Variants in WDR37 observed in about 807,000 individuals in gnomAD.
The protein encoded by WDR37 is WD repeat domain 37, also known as WD repeat-containing protein 37.
A neutral mutation model predicts 62.9 loss-of-function variants in WDR37; 19 were observed. The observed-to-expected ratio is 0.30, with a 90% CI of 0.21 to 0.44. The LOEUF (loss-of-function observed/expected upper bound fraction) is 0.44, where lower values mean the gene tolerates loss of function less well. Ranked by LOEUF, WDR37 falls within the 20% of genes least tolerant of loss-of-function variation. The probability of loss-of-function intolerance (pLI) is 1.00; values close to 1 mark genes in which losing one functional copy is unlikely to be tolerated. For synonymous variants in WDR37, 250 were observed against 260.9 expected, an observed-to-expected ratio of 0.96 and a Z score of 0.40; for missense variants, 474 against 657.6, an observed-to-expected ratio of 0.72 and a Z score of 3.05.
In WDR37 at chr10:1,080,185, G is replaced by A. The variant is rs1266418888; in HGVS notation, c.331+79G>A. The A allele has an allele frequency of 1.2e-5, 19 of 1,539,052 alleles. No homozygotes were observed. In the South Asian group the frequency reaches 1.8e-4, roughly 15 times the overall value. ...TGGAATTTAGTGAAGGATGCTGGCT[G>A]GTTTGCGTTTTGCTGTCAGCAGACC... is the stretch of plus-strand genomic sequence containing the variant. On this transcript the variant is annotated intron_variant, in intron 4 of 13. Transcript: ENST00000263150.
chr10:1,126,581 A>G (rs533826460), intron 13 of WDR37, among the ~76,000 whole-genome samples: 147 of 152,272 alleles, frequency 9.7e-4, no homozygotes, highest in African/African-American at 3.1e-3. Context: ...GTGGCTGCAC[A>G]GGGCCACACG....
intron 7 of WDR37, among the ~76,000 whole-genome samples, chr10:1,090,141 A>AG (rs1834339989): frequency 1.3e-5 from 2 of 151,788 alleles, no homozygotes; most frequent in Admixed American, 1.3e-4. Context: ...TAAATTTTGT[A>AG]TTTTTTTAAA....
Position 1,084,722 on chromosome 10 carries a change from C to G in WDR37, c.532+184C>G, listed in dbSNP as rs2131630930. 2.0e-5 allele frequency among the ~76,000 whole-genome samples: 3 copies of G among 152,306 alleles called. No individual in the cohort carries two copies. In the Middle Eastern group the frequency reaches 0.01, roughly 518 times the overall value. ...GTGTTGTGGCCTGAAGTCCTGCATTCCGTGGTCTTGTGGGAGGGTGTGCAG... is the reference window on the plus strand; with the variant it reads ...GTGTTGTGGCCTGAAGTCCTGCATTGCGTGGTCTTGTGGGAGGGTGTGCAG... On this transcript the variant is annotated intron_variant, in intron 6 of 13. Coordinates refer to ENST00000263150, the MANE Select transcript of WDR37 (RefSeq NM_014023.4).
intron 7 of WDR37, among the ~76,000 whole-genome samples, chr10:1,091,354 T>C (rs1589099235): frequency 1.3e-5 from 2 of 152,236 alleles, no homozygotes; most frequent in Non-Finnish European, 2.9e-5. Flanking sequence ...TTTAGCTCCA[T>C]TGAGTGCTTA....
chr10:1,059,212 C>G (rs1833295854), intron 1 of WDR37, among the ~76,000 whole-genome samples: 1 of 151,964 alleles, frequency 6.6e-6, no homozygotes, highest in South Asian at 2.1e-4. Context: ...CCCGTCTCTA[C>G]TAAAAATACA....
intron 1 of WDR37, among the ~76,000 whole-genome samples, chr10:1,062,916 T>C (rs1446761538): frequency 1.3e-5 from 2 of 152,118 alleles, no homozygotes; most frequent in African/African-American, 4.8e-5. Flanking sequence ...TGAAACCTTG[T>C]CTCCGCTAAA....
chr10:1,083,891 C>T (rs1239616656), intron 5 of WDR37, among the ~76,000 whole-genome samples: 2 of 152,232 alleles, frequency 1.3e-5, no homozygotes, highest in Admixed American at 6.5e-5. Flanking sequence ...GATTCCTCCC[C>T]ACCACAGGCT....
chr10:1,082,963 A>AT (rs1364841512), intron 5 of WDR37, among the ~76,000 whole-genome samples: 7 of 152,220 alleles, frequency 4.6e-5, no homozygotes, highest in African/African-American at 1.7e-4. Flanking sequence ...ACTGTTACTT[A>AT]TGTTAGAAAT....
chr10:1,114,078 T>C (rs1008868850), intron 11 of WDR37, among the ~76,000 whole-genome samples: 3 of 146,096 alleles, frequency 2.1e-5, no homozygotes, highest in Non-Finnish European at 3.0e-5. Flanking sequence ...TGCCTCAGCC[T>C]CCCGAGTAGC....
chr10:1,116,468 A>G (rs1442815589), intron 11 of WDR37, among the ~76,000 whole-genome samples: 2 of 152,166 alleles, frequency 1.3e-5, no homozygotes, highest in Non-Finnish European at 2.9e-5. Context: ...TTTGTCTTTC[A>G]GTGTTTGCAT....
chr10:1,108,747 C>A (rs1044401826), intron 11 of WDR37, among the ~76,000 whole-genome samples: 15 of 140,246 alleles, frequency 1.1e-4, no homozygotes, highest in Non-Finnish European at 1.2e-4. Context: ...ATGCCCCCCC[C>A]CCCCGTGGAA....
At chr10:1,068,355 C>CCTGTAGTCCCAGCCACGCGGGAGG (rs755345670) in intron 1 of WDR37, among the ~76,000 whole-genome samples, 1 of 115,412 alleles carries the variant, frequency 8.7e-6, no homozygotes, top group Admixed American at 9.1e-5. Flanking sequence ...GTGGCGGGCG[C>CCTGTAGTCCCAGCCACGCGGGAGG]CTGAGGCAGG....
chr10:1,068,454 CAA>C (rs911520549), intron 1 of WDR37, among the ~76,000 whole-genome samples: 1 of 149,742 alleles, frequency 6.7e-6, no homozygotes, highest in African/African-American at 2.5e-5. Flanking sequence ...GACTCTGTCT[CAA>C]AAAAACAAAA....
intron 9 of WDR37, among the ~76,000 whole-genome samples, chr10:1,102,165 G>A (rs1212336946): frequency 6.7e-6 from 1 of 149,664 alleles, no homozygotes. Context: ...GTGCGTCCCT[G>A]TGACGTGTTC....
At chr10:1,059,235 G>T (rs902434416) in intron 1 of WDR37, among the ~76,000 whole-genome samples, 8 of 152,246 alleles carry the variant, frequency 5.3e-5, no homozygotes, top group African/African-American at 1.9e-4. Context: ...AATCAGCTGG[G>T]CATGGTGGCG....
At position 1,129,655 on chromosome 10, in the gene WDR37, A is replaced by T; in HGVS notation, c.*311A>T. The T allele has an allele frequency of 8.9e-6, 2 of 225,064 alleles. No individual in the cohort carries two copies. The highest frequency in any genetic ancestry group is 1.1e-4 in the East Asian group (1 of 9,270). 13.9% of individuals were successfully genotyped at this position (225,064 alleles called of 1,614,324 possible). ...GGACAGGTGAACAGTAGGGCATTAC[A>T]TTTGTGTGAATTAAATGTGAACTTC... On this transcript the variant is annotated 3_prime_UTR_variant, in exon 14 of 14. Coordinates refer to ENST00000263150, the MANE Select transcript of WDR37 (RefSeq NM_014023.4).
In WDR37 at chr10:1,090,818, G is replaced by A. The variant is rs375346641; in HGVS notation, c.605-2634G>A. ...CAGTGCCTTTGACACTGGATGAAGGGTAGCCGTGGCTGGCATCCCCGTTTC... is the reference window on the plus strand; with the variant it reads ...CAGTGCCTTTGACACTGGATGAAGGATAGCCGTGGCTGGCATCCCCGTTTC... On this transcript the variant is annotated intron_variant, in intron 7 of 13. Coordinates refer to ENST00000263150, the MANE Select transcript of WDR37 (RefSeq NM_014023.4). Among the ~76,000 whole-genome samples, 11 of 152,200 alleles carry A rather than the reference G, an allele frequency of 7.2e-5. No homozygotes were observed. The East Asian group carries it at 9.6e-4, about 13-fold the overall frequency.
At chr10:1,102,172 G>C (rs999455384) in intron 9 of WDR37, among the ~76,000 whole-genome samples, 4 of 146,832 alleles carry the variant, frequency 2.7e-5, no homozygotes, top group African/African-American at 1.0e-4. Context: ...CCTGTGACGT[G>C]TTCTCGTGCG....
chr10:1,061,859 T>C (rs1191033914), intron 1 of WDR37, among the ~76,000 whole-genome samples: 2 of 151,030 alleles, frequency 1.3e-5, no homozygotes, highest in Admixed American at 6.6e-5. Flanking sequence ...AAAAATTACC[T>C]TCAGGCTACG....
Sources: gnomAD v4.1 joint callset for allele counts (sites outside exome capture counted in the v4.1 genomes callset) on GRCh38, gnomAD v4.1.1 for gene constraint, MANE v1.5 for transcripts, NCBI Gene and HGNC (gene_info 2026-07-23, HGNC 2026-07-21) for gene names.